The following GLIS3 variants were observed in gnomAD, a reference collection of about 807,000 sequenced individuals.
The protein encoded by GLIS3 is zinc finger protein GLIS3.
In GLIS3, 53 loss-of-function variants were observed where a neutral mutation model predicts 78.6. The observed-to-expected ratio is 0.67, with a 90% CI of 0.54 to 0.85. The LOEUF is 0.85. Among genes scored for constraint, GLIS3 ranks in the 40% least tolerant of loss-of-function variants. The pLI, the probability that GLIS3 is intolerant of heterozygous loss-of-function variation, is 0.00. For missense variants in GLIS3, 1,703 were observed against 1,231.1 expected (o/e 1.38, Z -5.74); for synonymous variants, 684 against 509.9 (o/e 1.34, Z -4.60).
chr9:3,909,364 T>C (rs1406061131), intron 6 of GLIS3, among the ~76,000 whole-genome samples: 1 of 152,232 alleles, frequency 6.6e-6, no homozygotes, highest in Non-Finnish European at 1.5e-5. Flanking sequence ...TGGCATATGA[T>C]AGGTAATTAA....
At chr9:3,868,149 T>TGTTTC (rs1820726279) in intron 8 of GLIS3, among the ~76,000 whole-genome samples, 1 of 152,270 alleles carries the variant, frequency 6.6e-6, no homozygotes, top group South Asian at 2.1e-4. Flanking sequence ...AAGTTAGATA[T>TGTTTC]GTTTCTGTAT....
intron 2 of GLIS3, among the ~76,000 whole-genome samples, chr9:4,246,301 G>C (rs559130405): frequency 6.6e-6 from 1 of 152,322 alleles, no homozygotes; most frequent in African/African-American, 2.4e-5. Context: ...TGCTTTTGCT[G>C]ATCAGCAATG....
chr9:4,206,893 G>C (rs1230683596), intron 2 of GLIS3, among the ~76,000 whole-genome samples: 1 of 151,002 alleles, frequency 6.6e-6, no homozygotes, highest in Non-Finnish European at 1.5e-5. Context: ...ATCGCGCTGG[G>C]AGGAAGGGGG....
chr9:3,939,711 G>C (rs114609898), intron 4 of GLIS3, among the ~76,000 whole-genome samples: 2 of 152,036 alleles, frequency 1.3e-5, no homozygotes, highest in African/African-American at 4.8e-5. Flanking sequence ...CAGTATTCTC[G>C]GGGAAAAGAT....
At chr9:4,432,687 C>G in the GLIS3 span, among the ~76,000 whole-genome samples, 1 of 138,980 alleles carries the variant, frequency 7.2e-6, no homozygotes, top group Non-Finnish European at 1.5e-5. Context: ...GCCACCCAGG[C>G]TGGAGTGCAG....
At chr9:4,474,456 A>C in the GLIS3 span, among the ~76,000 whole-genome samples, 1 of 152,210 alleles carries the variant, frequency 6.6e-6, no homozygotes, top group African/African-American at 2.4e-5. Flanking sequence ...AATGCAGAGG[A>C]GACAGGATGA....
intron 6 of GLIS3, among the ~76,000 whole-genome samples, chr9:3,899,751 A>G (rs1010243733): frequency 3.3e-5 from 5 of 152,228 alleles, no homozygotes; most frequent in African/African-American, 4.8e-5. Context: ...AATATTTATT[A>G]AGTGTTTGTT....
chr9:4,382,835 T>A, the GLIS3 span, among the ~76,000 whole-genome samples: 1 of 152,184 alleles, frequency 6.6e-6, no homozygotes, highest in East Asian at 1.9e-4. Context: ...CATAAAAATC[T>A]GTTCATTTTC....
the GLIS3 span, among the ~76,000 whole-genome samples, chr9:4,409,968 G>A: frequency 6.6e-6 from 1 of 152,016 alleles, no homozygotes; most frequent in Non-Finnish European, 1.5e-5. Flanking sequence ...TAGGTTTTGG[G>A]AGGTCTGTAT....
At chr9:3,958,318 C>T (rs1326845553) in intron 4 of GLIS3, among the ~76,000 whole-genome samples, 2 of 152,058 alleles carry the variant, frequency 1.3e-5, no homozygotes, top group African/African-American at 2.4e-5. Flanking sequence ...ATGTGCTATG[C>T]CATGGGCCAG....
intron 8 of GLIS3, among the ~76,000 whole-genome samples, chr9:3,872,979 A>T (rs1588129182): frequency 6.6e-6 from 1 of 152,220 alleles, no homozygotes; most frequent in African/African-American, 2.4e-5. Flanking sequence ...CCAAACAAAA[A>T]GCTGGTTATT....
chr9:4,290,301 G>C (rs1363479517), intron 1 of GLIS3, among the ~76,000 whole-genome samples: 1 of 152,084 alleles, frequency 6.6e-6, no homozygotes, highest in East Asian at 1.9e-4. Context: ...CCGATAATGA[G>C]GCACAAAATA....
chr9:4,315,124 G>C (rs1817418364), intron 2 of GLIS3, among the ~76,000 whole-genome samples: 1 of 152,222 alleles, frequency 6.6e-6, no homozygotes. Context: ...CCACCAAAGA[G>C]AAGAGAAAGA....
chr9:4,391,149 G>A, the GLIS3 span, among the ~76,000 whole-genome samples: 3 of 152,086 alleles, frequency 2.0e-5, no homozygotes, highest in Non-Finnish European at 4.4e-5. Context: ...ATATTCTGCT[G>A]CCTCTGGCTT....
At chr9:4,356,496 T>G in the GLIS3 span, among the ~76,000 whole-genome samples, 95 of 152,262 alleles carry the variant, frequency 6.2e-4, no homozygotes, top group African/African-American at 2.1e-3. Flanking sequence ...TCCTGGACAA[T>G]GGGAATGACT....
In GLIS3 at chr9:4,085,965, C is replaced by T. The variant is rs527390712; in HGVS notation, c.1710+31803G>A. On this transcript the variant is annotated intron_variant, in intron 4 of 10. Transcript: ENST00000381971. The stretch of plus-strand genomic sequence containing the variant: ...CCCAGTCCTGGGTATTTCTTTATAG[C>T]AACGCAAGAATGGCCTAATACAATT... Among the ~76,000 whole-genome samples the T allele has an allele frequency of 6.6e-5, 10 of 152,274 alleles. 1 individual carries two copies. Among genetic ancestry groups the T allele is most frequent in the Admixed American group, 5.9e-4 (9 of 15,296 alleles).
chr9:4,205,242 T>C (rs1819766150), intron 2 of GLIS3, among the ~76,000 whole-genome samples: 1 of 148,894 alleles, frequency 6.7e-6, no homozygotes, highest in East Asian at 2.1e-4. Flanking sequence ...TTATTGCTGC[T>C]CAAAACCCTC....
rs548968873 is a variant in GLIS3 at position 4,179,707 on chromosome 9, C to G, written c.389-53766G>C. ...GGCAGATCAGCTGAGGTTAGGAGTTCGAGACCAGCCTGGCCAACGTGGTGA... is the reference window on the plus strand; with the variant it reads ...GGCAGATCAGCTGAGGTTAGGAGTTGGAGACCAGCCTGGCCAACGTGGTGA... On this transcript the variant is annotated intron_variant, in intron 2 of 10. Coordinates refer to ENST00000381971, the MANE Select transcript of GLIS3 (RefSeq NM_001042413.2). Among the ~76,000 whole-genome samples the G allele has an allele frequency of 5.9e-5, 9 of 152,082 alleles. No individual in the cohort carries two copies. In the South Asian group the frequency reaches 1.9e-3, roughly 32 times the overall value.
chr9:4,469,809 G>A, the GLIS3 span, among the ~76,000 whole-genome samples: 6 of 152,076 alleles, frequency 3.9e-5, no homozygotes, highest in African/African-American at 1.2e-4. Flanking sequence ...AGGAGATAGA[G>A]ACACAAAATC....
Sources: gnomAD v4.1 joint callset for allele counts (sites outside exome capture counted in the v4.1 genomes callset) on GRCh38, gnomAD v4.1.1 for gene constraint, MANE v1.5 for transcripts, NCBI Gene and HGNC (gene_info 2026-07-23, HGNC 2026-07-21) for gene names.